KLHL29: variants seen among roughly 807,000 people sequenced by gnomAD.
The protein encoded by KLHL29 is kelch like family member 29, also known as kelch-like protein 29.
In KLHL29, 21 loss-of-function variants were observed where a neutral mutation model predicts 80.4. That is an observed-to-expected ratio of 0.26 (90% CI 0.19 to 0.38). The LOEUF (loss-of-function observed/expected upper bound fraction) is 0.38. Ranked by LOEUF, KLHL29 falls within the 10% of genes least tolerant of loss-of-function variation. The probability of loss-of-function intolerance (pLI) is 1.00; values close to 1 mark genes in which losing one functional copy is unlikely to be tolerated. For missense variants in KLHL29, 867 were observed against 1,223.9 expected (o/e 0.71, Z 4.35); for synonymous variants, 511 against 526.8 (o/e 0.97, Z 0.41).
intron 2 of KLHL29, among the ~76,000 whole-genome samples, chr2:23,493,632 C>T (rs1040836798): frequency 6.7e-6 from 1 of 149,962 alleles, no homozygotes; most frequent in African/African-American, 2.4e-5. Flanking sequence ...GCGGGGTGGG[C>T]GTGTGTGTGT....
intron 1 of KLHL29, among the ~76,000 whole-genome samples, chr2:23,453,019 C>G (rs1385873278): frequency 6.6e-6 from 1 of 151,598 alleles, no homozygotes; most frequent in Non-Finnish European, 1.5e-5. Context: ...TTTTCCATGT[C>G]TGGGTCTGGG....
intron 2 of KLHL29, among the ~76,000 whole-genome samples, chr2:23,476,605 A>T (rs1031348009): frequency 2.6e-5 from 4 of 152,224 alleles, no homozygotes; most frequent in African/African-American, 9.7e-5. Context: ...TACTCTGTGG[A>T]TATAATAGCA....
At chr2:23,664,757 C>T (rs1670508047) in intron 5 of KLHL29, among the ~76,000 whole-genome samples, 1 of 152,208 alleles carries the variant, frequency 6.6e-6, no homozygotes, top group Admixed American at 6.5e-5. Flanking sequence ...TCCTTCAAGA[C>T]AGCAGCCTGC....
chr2:23,649,806 G>A (rs1008096965), intron 5 of KLHL29, among the ~76,000 whole-genome samples: 2 of 152,220 alleles, frequency 1.3e-5, no homozygotes, highest in African/African-American at 4.8e-5. Context: ...CTGACCCGTG[G>A]CAGGAAGCCA....
intron 1 of KLHL29, among the ~76,000 whole-genome samples, chr2:23,401,436 C>T (rs1666596863): frequency 6.6e-6 from 1 of 152,174 alleles, no homozygotes; most frequent in Admixed American, 6.5e-5. Flanking sequence ...TGGACATGCA[C>T]CTGTGATTTC....
chr2:23,616,817 C>T (rs111254154), intron 3 of KLHL29: 4 of 152,290 alleles, frequency 2.6e-5, no homozygotes, highest in African/African-American at 4.8e-5. Context: ...GCACCGTTCC[C>T]GGGGTCATTC....
Position 23,548,942 on chromosome 2 carries a change from C to T in KLHL29, c.-45-13210C>T, listed in dbSNP as rs149841658. Among the ~76,000 whole-genome samples, 666 of 152,286 alleles carry T rather than the reference C, an allele frequency of 4.4e-3. 4 individuals are homozygous for T. Among genetic ancestry groups the T allele is most frequent in the African/African-American group, 0.015 (640 of 41,552 alleles). On this transcript the variant is annotated intron_variant, in intron 2 of 13. Coordinates refer to ENST00000486442, the MANE Select transcript of KLHL29 (RefSeq NM_052920.2). ...GTCTCTGTCCTAAGGCTCTGAGACTCGGTTACCACCATTGTCGAAGGGGGT... is the reference window on the plus strand; with the variant it reads ...GTCTCTGTCCTAAGGCTCTGAGACTTGGTTACCACCATTGTCGAAGGGGGT...
At chr2:23,632,608 C>A (rs1669497700) in intron 3 of KLHL29, among the ~76,000 whole-genome samples, 1 of 152,250 alleles carries the variant, frequency 6.6e-6, no homozygotes, top group Non-Finnish European at 1.5e-5. Flanking sequence ...CAAGCCAGGG[C>A]CCGGTGGTCA....
At chr2:23,687,940 G>T (rs945132824) in intron 6 of KLHL29, among the ~76,000 whole-genome samples, 2 of 152,112 alleles carry the variant, frequency 1.3e-5, no homozygotes, top group African/African-American at 4.8e-5. Flanking sequence ...GGGTCTCAGT[G>T]TCCTCTCCCA....
chr2:23,437,931 C>T (rs1272324443), intron 1 of KLHL29, among the ~76,000 whole-genome samples: 2 of 151,580 alleles, frequency 1.3e-5, no homozygotes, highest in Admixed American at 1.3e-4. Context: ...ATTGATTCTT[C>T]CTACCCATGA....
chr2:23,612,768 C>A (rs1344928269), intron 3 of KLHL29, among the ~76,000 whole-genome samples: 3 of 151,940 alleles, frequency 2.0e-5, no homozygotes, highest in Non-Finnish European at 2.9e-5. Flanking sequence ...GGAAAGAAAG[C>A]CTGCACTGAA....
At chr2:23,509,780 A>C (rs958527204) in intron 2 of KLHL29, among the ~76,000 whole-genome samples, 2 of 151,960 alleles carry the variant, frequency 1.3e-5, no homozygotes, top group African/African-American at 4.8e-5. Context: ...AGTGCACTCC[A>C]CCCGCTGTGA....
chr2:23,653,890 G>A (rs990287745), intron 5 of KLHL29, among the ~76,000 whole-genome samples: 2 of 152,286 alleles, frequency 1.3e-5, no homozygotes, highest in East Asian at 1.9e-4. Flanking sequence ...CTTCGGCCAG[G>A]CACGGTGGCT....
intron 3 of KLHL29, among the ~76,000 whole-genome samples, chr2:23,615,086 GTCCT>G (rs1668970849): frequency 6.6e-6 from 1 of 152,148 alleles, no homozygotes; most frequent in African/African-American, 2.4e-5. Context: ...CTTCTTCCAC[GTCCT>G]ATCCAGTTGC....
rs145582435 is a variant in KLHL29, at chr2:23,680,301, G to A, written c.941-4098G>A. Among the ~76,000 whole-genome samples, 3,638 of 152,198 alleles carry A rather than the reference G, an allele frequency of 0.024. 80 individuals carry two copies. Among genetic ancestry groups the A allele is most frequent in the Non-Finnish European group, 0.039 (2,619 of 68,012 alleles). ...GCCTGCGGATTGCGGGCAGTGGACC[G>A]TCTTCCACGGGAAGAGGAGCTCCAT... On this transcript the variant is annotated intron_variant, in intron 5 of 13. Transcript: ENST00000486442. This position sits in a 1 kb window ranked among gnomAD's most constrained non-coding sequence, Gnocchi z 4.1.
intron 5 of KLHL29, among the ~76,000 whole-genome samples, chr2:23,664,545 A>G (rs1407070398): frequency 1.3e-5 from 2 of 152,206 alleles, no homozygotes; most frequent in Non-Finnish European, 2.9e-5. Flanking sequence ...CGCACAGAAC[A>G]TGTTTACCCA....
chr2:23,438,064 T>C (rs2103412772), intron 1 of KLHL29, among the ~76,000 whole-genome samples: 1 of 151,654 alleles, frequency 6.6e-6, no homozygotes. Context: ...TTTATTCTCT[T>C]TGAAGCAATT....
intron 2 of KLHL29, among the ~76,000 whole-genome samples, chr2:23,535,462 A>G (rs949056799): frequency 1.3e-5 from 2 of 152,278 alleles, no homozygotes; most frequent in East Asian, 3.8e-4. Flanking sequence ...TAATAGCAGC[A>G]TTATTCACAA....
chr2:23,422,024 CTT>C (rs564052378), intron 1 of KLHL29, among the ~76,000 whole-genome samples: 1,838 of 148,156 alleles, frequency 0.012, 31 homozygotes, highest in African/African-American at 0.044. Flanking sequence ...TGTCATATGT[CTT>C]ATGTCTGTGT....
Sources: allele counts gnomAD v4.1 joint callset (sites outside exome capture counted in the v4.1 genomes callset), GRCh38; gene constraint gnomAD v4.1.1; non-coding constraint Gnocchi (gnomAD v3.1); transcripts MANE v1.5; gene names NCBI Gene and HGNC (gene_info 2026-07-23, HGNC 2026-07-21).